Variants in ARB2A observed in about 807,000 individuals in gnomAD.
The protein encoded by ARB2A is ARB2 cotranscriptional regulator A.
chr5:94,109,934 G>T, the ARB2A span, among the ~76,000 whole-genome samples: 1 of 144,632 alleles, frequency 6.9e-6, no homozygotes, highest in Non-Finnish European at 1.5e-5. Flanking sequence ...ACCCAGGCTG[G>T]AGTGCAGTGG....
the ARB2A span, among the ~76,000 whole-genome samples, chr5:93,666,857 T>C: frequency 3.3e-5 from 5 of 152,204 alleles, no homozygotes; most frequent in Non-Finnish European, 7.3e-5. Context: ...CTCCTAACTA[T>C]GTACATGGAC....
chr5:93,779,682 G>A, the ARB2A span, among the ~76,000 whole-genome samples: 1 of 152,176 alleles, frequency 6.6e-6, no homozygotes, highest in African/African-American at 2.4e-5. Context: ...CGGGCAGATA[G>A]GGACAGATCG....
chr5:93,784,441 G>C, the ARB2A span: 5 of 1,613,524 alleles, frequency 3.1e-6, no homozygotes, highest in African/African-American at 2.7e-5. Context: ...ATTGTGAACA[G>C]AGTCTGTCAA....
the ARB2A span, among the ~76,000 whole-genome samples, chr5:93,794,463 A>C: frequency 6.6e-6 from 1 of 151,698 alleles, no homozygotes; most frequent in African/African-American, 2.4e-5. Context: ...ATTGCTGGTG[A>C]GCTGGTATGA....
chr5:93,776,257 G>C, the ARB2A span: 1 of 1,589,000 alleles, frequency 6.3e-7, no homozygotes, highest in Non-Finnish European at 8.6e-7. Flanking sequence ...CAATGTAATA[G>C]AGACAATATT....
chr5:93,932,491 T>C, the ARB2A span, among the ~76,000 whole-genome samples: 5 of 152,176 alleles, frequency 3.3e-5, no homozygotes, highest in Admixed American at 1.3e-4. Context: ...TGAAGATAAG[T>C]AGTCAGAGCT....
At chr5:94,069,887 C>CA in the ARB2A span, among the ~76,000 whole-genome samples, 4 of 152,092 alleles carry the variant, frequency 2.6e-5, no homozygotes, top group African/African-American at 7.2e-5. Context: ...GGGCATTTCT[C>CA]AAAATACTAC....
At chr5:93,641,914 G>A in the ARB2A span, among the ~76,000 whole-genome samples, 2 of 152,156 alleles carry the variant, frequency 1.3e-5, no homozygotes, top group Non-Finnish European at 2.9e-5. Context: ...GTGGAGATGT[G>A]GTAAGGACTT....
the ARB2A span, among the ~76,000 whole-genome samples, chr5:93,935,881 G>T: frequency 6.6e-6 from 1 of 151,790 alleles, no homozygotes; most frequent in South Asian, 2.1e-4. Context: ...GCTTTAATAC[G>T]GCAGAAAAAG....
At chr5:94,107,321 C>T in the ARB2A span, among the ~76,000 whole-genome samples, 1 of 1,840 alleles carries the variant, frequency 5.4e-4, no homozygotes, top group Admixed American at 7.2e-3. Context: ...AGCTGTGAAA[C>T]CTTGAGTCAG....
the ARB2A span, among the ~76,000 whole-genome samples, chr5:93,798,644 T>G: frequency 6.6e-6 from 1 of 152,124 alleles, no homozygotes; most frequent in African/African-American, 2.4e-5. Flanking sequence ...TTAGAAATTA[T>G]CCAATCCAAT....
the ARB2A span, among the ~76,000 whole-genome samples, chr5:93,985,136 G>C: frequency 6.6e-6 from 1 of 152,108 alleles, no homozygotes; most frequent in South Asian, 2.1e-4. Flanking sequence ...GTGTTGCACA[G>C]TGTAGTCTTA....
the ARB2A span, among the ~76,000 whole-genome samples, chr5:94,095,399 A>G: frequency 3.3e-5 from 5 of 152,256 alleles, no homozygotes; most frequent in Middle Eastern, 3.4e-3. Context: ...TACAGAGGCA[A>G]GTCCAAGCTC....
chr5:93,705,814 T>C, the ARB2A span, among the ~76,000 whole-genome samples: 994 of 152,204 alleles, frequency 6.5e-3, 4 homozygotes, highest in Middle Eastern at 0.017. Flanking sequence ...AGAGAAATGA[T>C]TAGTAATGTC....
At chr5:93,848,374 T>A in the ARB2A span, among the ~76,000 whole-genome samples, 3 of 149,998 alleles carry the variant, frequency 2.0e-5, no homozygotes, top group South Asian at 6.3e-4. Context: ...AGAGCGAGAC[T>A]CTGTCTAAAG....
chr5:93,807,658 T>A, the ARB2A span, among the ~76,000 whole-genome samples: 1 of 152,004 alleles, frequency 6.6e-6, no homozygotes, highest in Admixed American at 6.6e-5. Flanking sequence ...AGAGATCATC[T>A]TTAAAGAAAA....
At chr5:93,735,940 A>C in the ARB2A span, 20 of 152,076 alleles carry the variant, frequency 1.3e-4, no homozygotes, top group African/African-American at 4.8e-4. Flanking sequence ...TTGGTCCAAG[A>C]ACCAGAAGAA....
chr5:94,063,543 T>C, the ARB2A span, among the ~76,000 whole-genome samples: 4 of 152,100 alleles, frequency 2.6e-5, no homozygotes, highest in African/African-American at 9.7e-5. Flanking sequence ...GTAAGCCACC[T>C]AGAGATCCAA....
chr5:93,847,936 C>T, the ARB2A span, among the ~76,000 whole-genome samples: 9 of 152,174 alleles, frequency 5.9e-5, no homozygotes, highest in African/African-American at 1.9e-4. Context: ...CACACAAAGG[C>T]CTGCGGTTTT....
Sources: allele counts gnomAD v4.1 joint callset (sites outside exome capture counted in the v4.1 genomes callset), GRCh38; gene constraint gnomAD v4.1.1; transcripts MANE v1.5; gene names NCBI Gene and HGNC (gene_info 2026-07-23, HGNC 2026-07-21).